The following SLC6A5 variants were observed in gnomAD, a reference collection of about 807,000 sequenced individuals.
SLC6A5 encodes sodium- and chloride-dependent glycine transporter 2.
In SLC6A5, 58 loss-of-function variants were observed where a neutral mutation model predicts 90.5. The ratio of observed to expected loss-of-function variants is 0.64; its 90% CI spans 0.52 to 0.80. SLC6A5 has a LOEUF of 0.80. Ranked by LOEUF, SLC6A5 falls within the 30% of genes least tolerant of loss-of-function variation. The pLI is 0.00. For missense variants in SLC6A5, 1,015 were observed against 1,017.6 expected, an observed-to-expected ratio of 1.00 and a Z score of 0.03; for synonymous variants, 427 against 401.4, an observed-to-expected ratio of 1.06 and a Z score of -0.76.
At chr11:20,646,594 A>G (rs1249277791) in intron 13 of SLC6A5, among the ~76,000 whole-genome samples, 7 of 152,156 alleles carry the variant, frequency 4.6e-5, no homozygotes, top group Non-Finnish European at 1.0e-4. Context: ...GCAGGCTGAC[A>G]TTTTTTAATC....
chr11:20,652,057 T>G (rs1042728711), intron 14 of SLC6A5, among the ~76,000 whole-genome samples: 2 of 152,226 alleles, frequency 1.3e-5, no homozygotes, highest in South Asian at 4.1e-4. Flanking sequence ...GCACACATAT[T>G]GCTCCGCTCC....
Position 20,654,750 on chromosome 11 carries a change from G to T in SLC6A5, c.2276G>T (p.Gly759Val), listed in dbSNP as rs1853609185. 6.2e-7 allele frequency: 1 copy of T among 1,614,022 alleles called. No homozygotes were observed. The highest frequency in any genetic ancestry group is 1.1e-5 in the South Asian group (1 of 91,078). ...GTGTGCTCGCCACAGCCGGACTGGG[G>T]CCCATTCTTAGCTCAACACCGCGGG... ...KLVCSPQPDW[G>V]PFLAQHRGER... The change falls in exon 16 of 16, where the codon GGC becomes GTC. Residue 759 changes from glycine to valine, a missense_variant. Coordinates refer to ENST00000525748, the MANE Select transcript of SLC6A5 (RefSeq NM_004211.5).
At chr11:20,631,722 A>T (rs1430553779) in intron 10 of SLC6A5, among the ~76,000 whole-genome samples, 1 of 152,144 alleles carries the variant, frequency 6.6e-6, no homozygotes, top group African/African-American at 2.4e-5. Context: ...GCTGTGGGGC[A>T]TGACTGTGGC....
chr11:20,643,659 T>C (rs1853356023), intron 13 of SLC6A5, among the ~76,000 whole-genome samples: 1 of 152,220 alleles, frequency 6.6e-6, no homozygotes, highest in South Asian at 2.1e-4. Flanking sequence ...CTTTCCACTG[T>C]ACCATGTTTG....
chr11:20,621,325 T>A (rs1406503747), intron 7 of SLC6A5, among the ~76,000 whole-genome samples: 1 of 152,198 alleles, frequency 6.6e-6, no homozygotes, highest in Non-Finnish European at 1.5e-5. Flanking sequence ...ATTTGCAAAA[T>A]CAAGAGTTAG....
chr11:20,605,045 G>T (rs979332874), intron 3 of SLC6A5, among the ~76,000 whole-genome samples: 5 of 152,190 alleles, frequency 3.3e-5, no homozygotes, highest in African/African-American at 7.2e-5. Flanking sequence ...CCGTTTCAGA[G>T]GTGGGGAGGA....
chr11:20,611,075 C>G (rs1852684711), intron 5 of SLC6A5, among the ~76,000 whole-genome samples: 1 of 152,228 alleles, frequency 6.6e-6, no homozygotes, highest in Non-Finnish European at 1.5e-5. Context: ...GATGAGATTT[C>G]TGATGCTAGA....
In SLC6A5 at chr11:20,630,797, G is replaced by A. The variant is rs778862065; in HGVS notation, c.1606G>A (p.Glu536Lys). 6.2e-7 allele frequency: 1 copy of A among 1,614,184 alleles called. No homozygotes were observed. The highest frequency in any genetic ancestry group is 2.2e-5 in the East Asian group (1 of 44,864). Residue 536 changes from glutamate to lysine, a missense_variant, in exon 10 of 16, where the codon GAG becomes AAG. Physicochemically the swap from Glu to Lys is moderately conservative, Grantham distance 56. This residue lies in a region of SLC6A5 where 442 missense variants were observed against 494.3 expected (regional missense o/e 0.89). Coordinates refer to ENST00000525748, the MANE Select transcript of SLC6A5 (RefSeq NM_004211.5). ...GGCCAATGAACGCAAAGTCAACATTGAGAATGTGGCAGACCAAGGTACAGG... is the reference window on the plus strand; with the variant it reads ...GGCCAATGAACGCAAAGTCAACATTAAGAATGTGGCAGACCAAGGTACAGG... ...FMANERKVNI[E>K]NVADQGPGIA...
At chr11:20,605,464 C>T (rs1456817346) in intron 3 of SLC6A5, among the ~76,000 whole-genome samples, 1 of 152,182 alleles carries the variant, frequency 6.6e-6, no homozygotes, top group African/African-American at 2.4e-5. Context: ...ATGAGGACCT[C>T]AGAGCATTTG....
rs1461498196 is a variant in SLC6A5, at chr11:20,652,340, T to TAGG, written c.2123_2124insGGA (p.Tyr708delinsTer). On this transcript the variant is annotated stop_gained, in exon 15 of 16. Transcript: ENST00000525748. LOFTEE classifies it high-confidence loss of function. Reference sequence around the variant, plus strand: ...GTGGGAGCCCATGACCTATGGCTCTTACCGCTATCCTAACTGGTCCATGGT... The same window carrying TAGG: ...GTGGGAGCCCATGACCTATGGCTCTTAGGACCGCTATCCTAACTGGTCCATGGT... 6.2e-7 allele frequency: 1 copy of TAGG among 1,614,054 alleles called. No individual in the cohort carries two copies. The highest frequency in any genetic ancestry group is 8.5e-7 in the Non-Finnish European group (1 of 1,180,020).
At chr11:20,623,144 C>T (rs1280210468) in intron 7 of SLC6A5, among the ~76,000 whole-genome samples, 1 of 152,128 alleles carries the variant, frequency 6.6e-6, no homozygotes, top group Non-Finnish European at 1.5e-5. Context: ...GGAGGAGAGA[C>T]TGCTGTTCTG....
At position 20,630,697 on chromosome 11, in the gene SLC6A5, T is replaced by C. The variant is rs1391711880; in HGVS notation, c.1506T>C (p.Thr502=). The part of the protein sequence containing the change: ...NKFHNNCYRD[T]LIVTCTNSAT... Reference sequence around the variant, plus strand: ...TCTGGTCTCTTCCTTCCAGGGACACTCTAATTGTCACCTGCACCAACAGTG... The same window carrying C: ...TCTGGTCTCTTCCTTCCAGGGACACCCTAATTGTCACCTGCACCAACAGTG... The change falls in exon 10 of 16, where the codon ACT becomes ACC. Residue 502 remains threonine, a synonymous_variant. Coordinates refer to ENST00000525748, the MANE Select transcript of SLC6A5 (RefSeq NM_004211.5). 9 of 1,614,082 alleles carry C rather than the reference T, an allele frequency of 5.6e-6. No individual in the cohort carries two copies. The Admixed American group carries it at 1.5e-4, about 27-fold the overall frequency.
intron 2 of SLC6A5, among the ~76,000 whole-genome samples, chr11:20,603,534 G>A (rs564947519): frequency 6.6e-6 from 1 of 152,320 alleles, no homozygotes; most frequent in African/African-American, 2.4e-5. Flanking sequence ...CAGCTGGTTA[G>A]TAGCAAAATT....
chr11:20,627,787 A>C (rs908062401), intron 8 of SLC6A5, among the ~76,000 whole-genome samples, 193 bp from the exon 9 acceptor site: 17 of 152,176 alleles, frequency 1.1e-4, no homozygotes, highest in Admixed American at 4.6e-4. Flanking sequence ...GGAAGTTAAA[A>C]TCTCCCAGGT....
At chr11:20,647,207 G>C (rs1035855396) in intron 14 of SLC6A5, among the ~76,000 whole-genome samples, 2 of 104,396 alleles carry the variant, frequency 1.9e-5, no homozygotes, top group African/African-American at 7.5e-5. Flanking sequence ...CATTATATCA[G>C]TTCCTATATA....
chr11:20,654,881 G>A lies in SLC6A5; in HGVS notation c.*13G>A. On this transcript the variant is annotated 3_prime_UTR_variant, in exon 16 of 16. Transcript: ENST00000525748. ...CACTCAGTGCTAGTCCAGTGGTGTG[G>A]GATGGTCCAGACTTGATCCTGTTTT... 1 of 1,613,764 alleles carries A rather than the reference G, an allele frequency of 6.2e-7. No individual in the cohort carries two copies. The highest frequency in any genetic ancestry group is 8.5e-7 in the Non-Finnish European group (1 of 1,179,680).
intron 9 of SLC6A5, chr11:20,629,329 C>T (rs1853063310): frequency 6.6e-6 from 1 of 152,234 alleles, no homozygotes; most frequent in South Asian, 2.1e-4. Context: ...ACTGCCTTCT[C>T]TTCCCTCACA....
Position 20,626,728 on chromosome 11 carries a change from G to C in SLC6A5, c.1281G>C (p.Thr427=). The C allele has an allele frequency of 6.2e-7, 1 of 1,614,056 alleles. No homozygotes were observed. The highest frequency in any genetic ancestry group is 8.5e-7 in the Non-Finnish European group (1 of 1,179,966). ...TCTAGGTGGTGTACTTCACGGCCAC[G>C]TTCCCGTATGTCGTACTCGTGATCC... ...TSGKVVYFTA[T]FPYVVLVILL... is the part of the protein sequence containing the mutation. Residue 427 remains threonine (T), a synonymous_variant, in exon 8 of 16, where the codon ACG becomes ACC. Transcript: ENST00000525748.
At chr11:20,618,555 AAG>A (rs1384979993) in intron 7 of SLC6A5, among the ~76,000 whole-genome samples, 15 of 152,178 alleles carry the variant, frequency 9.9e-5, no homozygotes, top group African/African-American at 3.6e-4. Flanking sequence ...AAGCCACAGA[AAG>A]AGAGGAGCCC....
Sources: gnomAD v4.1 joint callset for allele counts (sites outside exome capture counted in the v4.1 genomes callset) on GRCh38, gnomAD v4.1.1 for gene constraint, gnomAD v4.1.1 regional missense constraint, MANE v1.5 for transcripts, NCBI Gene and HGNC (gene_info 2026-07-23, HGNC 2026-07-21) for gene names.